The following PAPPA2 variants were observed in gnomAD, a reference collection of about 807,000 sequenced individuals.
PAPPA2 encodes pappalysin 2, also known as pappalysin-2.
PAPPA2 carries 86 observed loss-of-function variants against 176.4 expected under a neutral mutation model. The ratio of observed to expected loss-of-function variants is 0.49; its 90% CI spans 0.41 to 0.58. The LOEUF (loss-of-function observed/expected upper bound fraction) is 0.58, where lower values mean the gene tolerates loss of function less well. Ranked by LOEUF, PAPPA2 falls within the 20% of genes least tolerant of loss-of-function variation. The pLI is 0.00. For synonymous variants in PAPPA2, 809 were observed against 852.2 expected (o/e 0.95, Z 0.88); for missense variants, 2,073 against 2,256.9 (o/e 0.92, Z 1.65).
chr1:176,600,173 T>G (rs1654228468), intron 3 of PAPPA2, among the ~76,000 whole-genome samples: 1 of 152,142 alleles, frequency 6.6e-6, no homozygotes, highest in African/African-American at 2.4e-5. Flanking sequence ...GTTCAGTAAT[T>G]TTATCTGAAT....
Position 176,595,300 on chromosome 1 carries a change from C to A in PAPPA2, c.1696C>A (p.Gln566Lys), listed in dbSNP as rs1477560984. The A allele has an allele frequency of 6.2e-7, 1 of 1,614,238 alleles. No homozygotes were observed. Among genetic ancestry groups the A allele is most frequent in the Admixed American group, 1.7e-5 (1 of 60,032 alleles). ...CTTCAGCCGCTACAACATCAGCTGG[C>A]AGCTGAGCGTCCACCAGGTCCACAA... Reference protein sequence around the residue: ...EAFSRYNISWQLSVHQVHNST... With the variant: ...EAFSRYNISWKLSVHQVHNST... Residue 566 changes from glutamine to lysine, a missense_variant, in exon 3 of 23, where the codon CAG becomes AAG. Gln to Lys is a moderately conservative substitution (Grantham distance 53). Transcript: ENST00000367662.
rs758560073 is a variant in PAPPA2 at position 176,557,170 on chromosome 1, C to T, written c.848C>T (p.Pro283Leu). The T allele has an allele frequency of 1.2e-6, 2 of 1,613,500 alleles. No individual in the cohort carries two copies. Among genetic ancestry groups the T allele is most frequent in the Middle Eastern group, 1.7e-4 (1 of 6,014 alleles). Residue 283 changes from proline (P) to leucine (L), a missense_variant, in exon 2 of 23, where the codon CCC (proline) becomes CTC (leucine). Coordinates refer to ENST00000367662, the MANE Select transcript of PAPPA2 (RefSeq NM_020318.3). ...CGTCCAGAAGTGCTGGCTGAGATTC[C>T]CCGGGAGGCGTTCACAGTGGAAGCC... is the stretch of plus-strand genomic sequence containing the variant. ...LLRPEVLAEI[P>L]REAFTVEAWV... is the part of the protein sequence containing the mutation.
chr1:176,559,113 G>A (rs368344180), intron 2 of PAPPA2, among the ~76,000 whole-genome samples: 11 of 151,940 alleles, frequency 7.2e-5, no homozygotes, highest in African/African-American at 2.2e-4. Context: ...CCTGTCCACC[G>A]CCTCCAACCC....
At chr1:176,727,419 A>T (rs1034219824) in intron 12 of PAPPA2, among the ~76,000 whole-genome samples, 2 of 152,156 alleles carry the variant, frequency 1.3e-5, no homozygotes, top group Non-Finnish European at 2.9e-5. Flanking sequence ...CCATGTTAAT[A>T]TCTGACAAAA....
Position 176,612,188 on chromosome 1 carries a change from G to A in PAPPA2, c.1991+16593G>A, listed in dbSNP as rs138559955. Among the ~76,000 whole-genome samples the A allele has an allele frequency of 4.8e-4, 73 of 152,218 alleles. 1 individual carries two copies. Among genetic ancestry groups the A allele is most frequent in the Non-Finnish European group, 7.9e-4 (54 of 68,004 alleles). On this transcript the variant is annotated intron_variant, in intron 3 of 22. Transcript: ENST00000367662. ...GTAGGCAGATCACATGAGACCAGGC[G>A]TTTGAGACCAGCCTGGCCAATATGG...
intron 2 of PAPPA2, among the ~76,000 whole-genome samples, chr1:176,559,151 A>C (rs1049410627): frequency 6.6e-6 from 1 of 152,132 alleles, no homozygotes; most frequent in Non-Finnish European, 1.5e-5. Context: ...GCACACACTC[A>C]GATCCTTCTC....
At chr1:176,557,380 G>A in intron 2 of PAPPA2, 139 bp downstream of exon 2, 1 of 974,508 alleles carries the variant, frequency 1.0e-6, no homozygotes, top group Non-Finnish European at 1.5e-6. Flanking sequence ...GAGGGGGAAG[G>A]GCCTTTATTA....
intron 1 of PAPPA2, among the ~76,000 whole-genome samples, chr1:176,469,387 A>G (rs1651771988): frequency 6.6e-6 from 1 of 152,056 alleles, no homozygotes; most frequent in Non-Finnish European, 1.5e-5. Context: ...GCCACTGAAC[A>G]TGAAATCCAG....
At chr1:176,704,496 C>T (rs1444238630) in intron 9 of PAPPA2, among the ~76,000 whole-genome samples, 1 of 152,166 alleles carries the variant, frequency 6.6e-6, no homozygotes, top group Non-Finnish European at 1.5e-5. Flanking sequence ...TCATTTCAAT[C>T]TGTGCTGTTC....
At chr1:176,688,960 T>C (rs1659972157) in intron 4 of PAPPA2, among the ~76,000 whole-genome samples, 5 of 152,294 alleles carry the variant, frequency 3.3e-5, no homozygotes, top group Admixed American at 3.3e-4. Context: ...GAGGACCTGC[T>C]ATACTCAGAA....
chr1:176,593,201 A>G (rs1653763416), intron 2 of PAPPA2, among the ~76,000 whole-genome samples: 1 of 152,238 alleles, frequency 6.6e-6, no homozygotes, highest in Non-Finnish European at 1.5e-5. Context: ...ACTTTTGGAA[A>G]TATAGCCACT....
intron 12 of PAPPA2, among the ~76,000 whole-genome samples, chr1:176,721,407 A>C (rs1661611134): frequency 6.6e-6 from 1 of 152,004 alleles, no homozygotes; most frequent in South Asian, 2.1e-4. Context: ...CTATGCTTCC[A>C]CTATTTTTGT....
intron 14 of PAPPA2, among the ~76,000 whole-genome samples, chr1:176,748,816 C>T (rs895434272): frequency 3.3e-5 from 5 of 152,102 alleles, no homozygotes; most frequent in Non-Finnish European, 7.3e-5. Flanking sequence ...AGCCTACGAG[C>T]AGTAGGCTAC....
intron 12 of PAPPA2, among the ~76,000 whole-genome samples, chr1:176,733,678 A>C (rs1662267080): frequency 1.3e-5 from 2 of 152,152 alleles, no homozygotes; most frequent in Non-Finnish European, 2.9e-5. Context: ...TCCTGAAAGA[A>C]TCATCTCCAG....
intron 4 of PAPPA2, among the ~76,000 whole-genome samples, chr1:176,679,079 TAGAA>T (rs1206294018): frequency 1.3e-5 from 2 of 151,962 alleles, no homozygotes; most frequent in African/African-American, 2.4e-5. Context: ...AAAAAGAAGA[TAGAA>T]AGATAGGTTG....
chr1:176,816,220 A>C (rs1416323739), intron 21 of PAPPA2, among the ~76,000 whole-genome samples: 2 of 85,054 alleles, frequency 2.4e-5, no homozygotes, highest in African/African-American at 5.0e-5. Context: ...ACACATATAT[A>C]AAATTTATGT....
chr1:176,495,737 C>A (rs2102499810), intron 1 of PAPPA2, among the ~76,000 whole-genome samples: 1 of 151,654 alleles, frequency 6.6e-6, no homozygotes, highest in South Asian at 2.1e-4. Context: ...GCTGGGCAAT[C>A]CCACTGAGAA....
At chr1:176,470,832 G>A (rs921353361) in intron 1 of PAPPA2, among the ~76,000 whole-genome samples, 3 of 152,024 alleles carry the variant, frequency 2.0e-5, no homozygotes, top group Non-Finnish European at 4.4e-5. Flanking sequence ...GGCTGGGGCT[G>A]ATTTCTAATC....
At chr1:176,525,036 C>T (rs986884441) in intron 1 of PAPPA2, among the ~76,000 whole-genome samples, 6 of 151,272 alleles carry the variant, frequency 4.0e-5, no homozygotes, top group Admixed American at 1.3e-4. Context: ...AAGGAGACTC[C>T]GTCTCAAAAA....
Sources: allele counts gnomAD v4.1 joint callset (sites outside exome capture counted in the v4.1 genomes callset), GRCh38; gene constraint gnomAD v4.1.1; transcripts MANE v1.5; gene names NCBI Gene and HGNC (gene_info 2026-07-23, HGNC 2026-07-21).